NSL1: variants seen among roughly 807,000 people sequenced by gnomAD.
NSL1 encodes NSL1 component of MIS12 kinetochore complex, also known as kinetochore-associated protein NSL1 homolog.
A neutral mutation model predicts 25.4 loss-of-function variants in NSL1; 11 were observed. That is an observed-to-expected ratio of 0.43 (90% CI 0.27 to 0.72). The LOEUF is 0.72. Among genes scored for constraint, NSL1 ranks in the 30% least tolerant of loss-of-function variants. NSL1 has a pLI of 0.19. For missense variants in NSL1, 330 were observed against 342.7 expected (o/e 0.96, Z 0.29); for synonymous variants, 118 against 120.6 (o/e 0.98, Z 0.14).
At chr1:212,767,203 C>A (rs1235731718) in intron 4 of NSL1, among the ~76,000 whole-genome samples, 1 of 152,086 alleles carries the variant, frequency 6.6e-6, no homozygotes, top group East Asian at 1.9e-4. Flanking sequence ...ACTGTTAGGC[C>A]ACAGTCACCA....
intron 4 of NSL1, among the ~76,000 whole-genome samples, chr1:212,748,469 G>T (rs1658912032): frequency 2.0e-5 from 3 of 152,100 alleles, no homozygotes; most frequent in African/African-American, 7.2e-5. Context: ...AACAAATCAA[G>T]TAACAACAGA....
Position 212,791,735 on chromosome 1 carries a change from A to G in NSL1, c.29T>C (p.Leu10Pro). ...GAGCTCCTTGTCCCATGGAGGGTCA[A>G]GGACCACCAACTCAGGAGACCCCGC... MAGSPELVVLDPPWDKELAA... is the reference protein window; with the variant it reads MAGSPELVVPDPPWDKELAA... The change falls in exon 1 of 6, where the codon CTT (leucine) becomes CCT (proline). Residue 10 changes from leucine to proline, a missense_variant. Coordinates refer to ENST00000366977, the MANE Select transcript of NSL1 (RefSeq NM_015471.4). The G allele has an allele frequency of 6.2e-7, 1 of 1,612,314 alleles. No homozygotes were observed. The highest frequency in any genetic ancestry group is 8.5e-7 in the Non-Finnish European group (1 of 1,179,024).
Position 212,787,592 on chromosome 1 carries a change from C to T in NSL1, c.280G>A (p.Ala94Thr), listed in dbSNP as rs1240092512. 2 of 1,607,516 alleles carry T rather than the reference C, an allele frequency of 1.2e-6. No individual in the cohort carries two copies. Among genetic ancestry groups the T allele is most frequent in the Admixed American group, 1.7e-5 (1 of 58,784 alleles). The change falls in exon 2 of 6, where the codon GCA becomes ACA. Residue 94 changes from alanine to threonine, a missense_variant. Physicochemically the swap from Ala to Thr is moderately conservative, Grantham distance 58 (BLOSUM62 0). Coordinates refer to ENST00000366977, the MANE Select transcript of NSL1 (RefSeq NM_015471.4). ...CAATTATCTGAAGCTTCCTGCCATG[C>T]TTGCCCATTAATGCTGATATTCTCT... ...VQENISINGQAWQEASDNCFM... is the reference protein window; with the variant it reads ...VQENISINGQTWQEASDNCFM...
intron 4 of NSL1, among the ~76,000 whole-genome samples, chr1:212,780,341 C>CA (rs1488007166): frequency 4.6e-5 from 7 of 151,846 alleles, no homozygotes; most frequent in Non-Finnish European, 7.4e-5. Context: ...TCCCTAATCT[C>CA]AAGTACCCAG....
At chr1:212,782,149 A>C (rs1660759123) in intron 4 of NSL1, 2 of 710,924 alleles carry the variant, frequency 2.8e-6, no homozygotes, top group African/African-American at 1.7e-5. Flanking sequence ...CAAGAACTTT[A>C]TAAAAGCTCA....
chr1:212,780,347 C>A (rs1161967854), intron 4 of NSL1, among the ~76,000 whole-genome samples: 1 of 151,592 alleles, frequency 6.6e-6, no homozygotes, highest in Non-Finnish European at 1.5e-5. Context: ...ATCTCAAGTA[C>A]CCAGGGACAC....
intron 2 of NSL1, among the ~76,000 whole-genome samples, chr1:212,785,710 A>G (rs1660912740): frequency 6.6e-6 from 1 of 152,180 alleles, no homozygotes; most frequent in South Asian, 2.1e-4. Flanking sequence ...AAATCATTTT[A>G]AAGAGTAAAA....
intron 2 of NSL1, among the ~76,000 whole-genome samples, chr1:212,786,012 T>G (rs1194471044): frequency 6.6e-6 from 1 of 152,086 alleles, no homozygotes; most frequent in Non-Finnish European, 1.5e-5. Context: ...GGGCACCCTT[T>G]TTTTCCTTTT....
chr1:212,785,569 C>T (rs1425938770), intron 2 of NSL1, among the ~76,000 whole-genome samples: 3 of 152,024 alleles, frequency 2.0e-5, no homozygotes, highest in Non-Finnish European at 4.4e-5. Flanking sequence ...CAATTCCCAC[C>T]TATGAGTGAG....
In NSL1 at chr1:212,791,543, C is replaced by T. The variant is rs1453359688; in HGVS notation, c.221G>A (p.Arg74Gln). 1 of 1,613,392 alleles carries T rather than the reference C, an allele frequency of 6.2e-7. No individual in the cohort carries two copies. The highest frequency in any genetic ancestry group is 8.5e-7 in the Non-Finnish European group (1 of 1,179,952). Residue 74 changes from arginine to glutamine, a missense_variant, in exon 1 of 6, where the codon CGA becomes CAA. Coordinates refer to ENST00000366977, the MANE Select transcript of NSL1 (RefSeq NM_015471.4). ...CTGGTCCCGTACCCACTGCGCATCT[C>T]GCAGAGCGGGCTCCCGAATCTCCTC... Reference protein sequence around the residue: ...LPEEIREPALRDAQWTFESAV... With the variant: ...LPEEIREPALQDAQWTFESAV...
At chr1:212,761,679 C>T (rs75131930) in intron 4 of NSL1, among the ~76,000 whole-genome samples, 3,464 of 151,984 alleles carry the variant, frequency 0.023, 63 homozygotes, top group South Asian at 0.042. Context: ...ATAATTCAAA[C>T]TACTGATATT....
At chr1:212,782,483 T>C in intron 3 of NSL1, 57 bp from the exon 4 acceptor site, 1 of 1,196,142 alleles carries the variant, frequency 8.4e-7, no homozygotes, top group Non-Finnish European at 1.2e-6. Flanking sequence ...TATAAACATC[T>C]CTTTCAGCTA....
chr1:212,746,595 G>A (rs1375802986), intron 4 of NSL1, among the ~76,000 whole-genome samples: 2 of 152,080 alleles, frequency 1.3e-5, no homozygotes, highest in Admixed American at 6.5e-5. Context: ...GTTGGCAAAC[G>A]GATAAGAAAG....
intron 4 of NSL1, among the ~76,000 whole-genome samples, chr1:212,772,110 C>T (rs1042659788): frequency 3.3e-5 from 5 of 152,162 alleles, no homozygotes; most frequent in African/African-American, 1.2e-4. Flanking sequence ...TTGTCTTCTG[C>T]CATGATTGTG....
At chr1:212,752,998 T>TACTTCTTAATTA (rs1659137952) in intron 4 of NSL1, among the ~76,000 whole-genome samples, 1 of 152,226 alleles carries the variant, frequency 6.6e-6, no homozygotes, top group Non-Finnish European at 1.5e-5. Flanking sequence ...TCTACTGGTT[T>TACTTCTTAATTA]CTAAAGAGGT....
At chr1:212,741,357 G>A (rs1484591821) in intron 4 of NSL1, among the ~76,000 whole-genome samples, 10 of 152,180 alleles carry the variant, frequency 6.6e-5, no homozygotes, top group Admixed American at 6.5e-4. Context: ...CTAGGCTTAT[G>A]ATATGGTTTG....
Position 212,736,940 on chromosome 1 carries a change from C to T in NSL1, c.*1468G>A. On this transcript the variant is annotated 3_prime_UTR_variant, in exon 6 of 6. Transcript: ENST00000366977. ...AGCTTATATAATCTAATAGAATTAA[C>T]AATAACTCTTTTGTTTGGGGACCTC... The T allele has an allele frequency of 1.0e-6, 1 of 983,974 alleles. No homozygotes were observed. The highest frequency in any genetic ancestry group is 4.7e-5 in the South Asian group (1 of 21,260). 61.0% of individuals were successfully genotyped at this position (983,974 alleles called of 1,614,324 possible). A position where few individuals can be genotyped will look rare whatever the true frequency, so the allele number is the denominator to read the frequency against.
At chr1:212,782,140 A>G (rs564331462) in intron 4 of NSL1, 1 of 710,636 alleles carries the variant, frequency 1.4e-6, no homozygotes, top group African/African-American at 1.7e-5. Flanking sequence ...TGGGTCAGGC[A>G]AGAACTTTAT....
intron 4 of NSL1, among the ~76,000 whole-genome samples, chr1:212,781,442 A>G (rs1286112718): frequency 6.6e-6 from 1 of 152,198 alleles, no homozygotes. Flanking sequence ...TGAACCATGA[A>G]AACTGAGGAG....
Sources: gnomAD v4.1 joint callset for allele counts (sites outside exome capture counted in the v4.1 genomes callset) on GRCh38, gnomAD v4.1.1 for gene constraint, MANE v1.5 for transcripts, NCBI Gene and HGNC (gene_info 2026-07-23, HGNC 2026-07-21) for gene names.